Variants in TEF observed in about 807,000 individuals in gnomAD.
TEF encodes the protein TEF transcription factor, PAR bZIP family member, also known as thyrotroph embryonic factor.
TEF carries 3 observed loss-of-function variants against 20.8 expected under a neutral mutation model. The ratio of observed to expected loss-of-function variants is 0.14; its 90% CI spans 0.07 to 0.37. The LOEUF (loss-of-function observed/expected upper bound fraction) is 0.37. TEF is among the 10% of genes least tolerant of loss of function. The pLI is 1.00. For missense variants in TEF, 296 were observed against 397.9 expected (o/e 0.74, Z 2.18); for synonymous variants, 180 against 171.1 (o/e 1.05, Z -0.41).
chr22:41,387,298 G>C, intron 1 of TEF, 53 bp from the exon 2 acceptor site: 2 of 1,591,030 alleles, frequency 1.3e-6, no homozygotes, highest in Non-Finnish European at 1.7e-6. Flanking sequence ...CCCACTTCCT[G>C]GGATTGAGTT....
intron 1 of TEF, among the ~76,000 whole-genome samples, chr22:41,374,869 G>A (rs1479663946): frequency 2.0e-5 from 3 of 152,176 alleles, no homozygotes; most frequent in African/African-American, 4.8e-5. Flanking sequence ...TTCAAGGGTA[G>A]CAGAAGTTGA....
At chr22:41,389,710 G>C (rs1212729018) in intron 2 of TEF, among the ~76,000 whole-genome samples, 2 of 151,288 alleles carry the variant, frequency 1.3e-5, no homozygotes, top group African/African-American at 4.9e-5. Flanking sequence ...GCCTCAAACA[G>C]TCCTCCCACC....
At chr22:41,379,893 CAAAAAAAA>C (rs1221059649), upstream of TEF, among the ~76,000 whole-genome samples, 40 of 45,136 alleles carry the variant, frequency 8.9e-4, 3 homozygotes, top group East Asian at 0.02. Context: ...AACTCCGTCT[CAAAAAAAA>C]AAAAAAGAAA....
chr22:41,370,096 CTT>C, intron 1 of TEF: 1 of 984,772 alleles, frequency 1.0e-6, no homozygotes, highest in Non-Finnish European at 1.2e-6. Flanking sequence ...TCTCACTCCA[CTT>C]TCTTTTATTT....
rs1256486611 is a variant in TEF at position 41,396,661 on chromosome 22, G to A, written c.*701G>A. On this transcript the variant is annotated 3_prime_UTR_variant, in exon 4 of 4. Transcript: ENST00000266304. ...CGGCTGTCTCTGCATTTCATTGGCTGTGGAGGAGAGACTCCTAGGATGGCT... is the reference window on the plus strand; with the variant it reads ...CGGCTGTCTCTGCATTTCATTGGCTATGGAGGAGAGACTCCTAGGATGGCT... 1.6e-4 allele frequency: 53 copies of A among 328,950 alleles called. No individual in the cohort carries two copies. The highest frequency in any genetic ancestry group is 6.0e-5 in the Non-Finnish European group (11 of 182,304). The allele number at this position is 328,950 out of a possible 1,614,324, so 20.4% of individuals were successfully genotyped here.
rs761239048 is a variant in TEF at position 41,382,205 on chromosome 22, AG to A, written c.157+7del. 6.0e-4 allele frequency: 542 copies of A among 898,084 alleles called. 1 individual carries two copies. The highest frequency in any genetic ancestry group is 6.6e-4 in the Non-Finnish European group (519 of 791,278). 55.6% of individuals were successfully genotyped at this position (898,084 alleles called of 1,614,324 possible). A position where few individuals can be genotyped will look rare whatever the true frequency, so the allele number is the denominator to read the frequency against. On this transcript the variant is annotated splice_donor_5th_base_variant and intron_variant, in intron 1 of 3. Transcript: ENST00000266304. The stretch of plus-strand genomic sequence containing the variant: ...CCCCCGCGCGAGGCGCGCCTCGGTG[AG>A]GGCGGGGGGGTGGTCCGCGCGGGCT...
In TEF at chr22:41,373,522, T is replaced by C. The variant is rs558931353; in HGVS notation, c.67+5923T>C. Among the ~76,000 whole-genome samples the C allele has an allele frequency of 1.6e-3, 237 of 152,080 alleles. 3 individuals are homozygous for C. In the South Asian group the frequency reaches 0.017, roughly 11 times the overall value. On this transcript the variant is annotated intron_variant, in intron 1 of 3. Transcript: ENST00000406644. ...TCTCACTCTGTCGCCCAGGCTGGAG[T>C]GTGGTGGCGTGATCTAGGCTCATTG...
intron 1 of TEF, among the ~76,000 whole-genome samples, chr22:41,372,016 A>G (rs1283379822): frequency 6.6e-6 from 1 of 152,132 alleles, no homozygotes; most frequent in East Asian, 1.9e-4. Flanking sequence ...GTTTGCCTCC[A>G]TGCACAGCCT....
chr22:41,389,901 G>A (rs1203410043), intron 2 of TEF, among the ~76,000 whole-genome samples: 1 of 151,764 alleles, frequency 6.6e-6, no homozygotes, highest in Non-Finnish European at 1.5e-5. Flanking sequence ...TCATGTGCAT[G>A]TCTTTTTTTT....
intron 1 of TEF, among the ~76,000 whole-genome samples, chr22:41,372,210 G>C (rs564903423): frequency 6.6e-6 from 1 of 152,314 alleles, no homozygotes; most frequent in East Asian, 1.9e-4. Context: ...CTCAGGGCCA[G>C]TCTCTCTCTT....
chr22:41,367,516 TC>T, exon 1 of TEF: 3 of 1,550,516 alleles, frequency 1.9e-6, no homozygotes, highest in African/African-American at 1.4e-5. Context: ...TGCGACTGGT[TC>T]TCAGTGGCCC....
chr22:41,378,571 C>T (rs1481182572), upstream of TEF, among the ~76,000 whole-genome samples: 1 of 152,132 alleles, frequency 6.6e-6, no homozygotes, highest in Admixed American at 6.5e-5. Context: ...GTCTCGATCT[C>T]CTGATCTTGT....
intron 1 of TEF, among the ~76,000 whole-genome samples, chr22:41,385,316 C>T (rs552331066): frequency 2.6e-4 from 39 of 152,064 alleles, no homozygotes; most frequent in Admixed American, 2.0e-3. Flanking sequence ...GCTGAGACCG[C>T]GCCATTGCAC....
intron 2 of TEF, 58 bp downstream of exon 2, chr22:41,387,726 AC>A: frequency 6.6e-7 from 1 of 1,505,882 alleles, no homozygotes; most frequent in Middle Eastern, 1.7e-4. Context: ...TCCATTTCCC[AC>A]TGAGGGCTGC....
At chr22:41,368,859 T>A (rs1232252095) in intron 1 of TEF, among the ~76,000 whole-genome samples, 3 of 152,048 alleles carry the variant, frequency 2.0e-5, no homozygotes, top group Non-Finnish European at 4.4e-5. Context: ...GAAGCCCACC[T>A]CCTCAGCGAA....
Position 41,382,017 on chromosome 22 carries a change from G to C in TEF, c.-28G>C, listed in dbSNP as rs904318437. The C allele has an allele frequency of 1.6e-6, 2 of 1,229,402 alleles. No homozygotes were observed. The highest frequency in any genetic ancestry group is 2.0e-6 in the Non-Finnish European group (2 of 986,688). The allele number at this position is 1,229,402 out of a possible 1,614,324, so 76.2% of individuals were successfully genotyped here. On this transcript the variant is annotated 5_prime_UTR_variant, in exon 1 of 4. Coordinates refer to ENST00000266304, the MANE Select transcript of TEF (RefSeq NM_003216.4). The stretch of plus-strand genomic sequence containing the variant: ...ATCTCGGGGGGCGGGCGGGGGAGGC[G>C]AGGTGCGCGAGCCGAGTCCGGGGCA...
At chr22:41,383,231 A>G (rs2037057675) in intron 1 of TEF, among the ~76,000 whole-genome samples, 1 of 152,130 alleles carries the variant, frequency 6.6e-6, no homozygotes, top group African/African-American at 2.4e-5. Context: ...TGAGGCTCCC[A>G]TCCCTGTGGC....
At chr22:41,379,114 A>G (rs912368126), upstream of TEF, among the ~76,000 whole-genome samples, 1 of 151,852 alleles carries the variant, frequency 6.6e-6, no homozygotes, top group Non-Finnish European at 1.5e-5. Context: ...ACGCGGGTGG[A>G]TCACCTGAGG....
rs2037199338 is a variant in TEF, at chr22:41,394,129, G to C, written c.509G>C (p.Ser170Thr). 2 of 1,614,156 alleles carry C rather than the reference G, an allele frequency of 1.2e-6. No homozygotes were observed. Among genetic ancestry groups the C allele is most frequent in the Non-Finnish European group, 8.5e-7 (1 of 1,180,026 alleles). Residue 170 changes from serine to threonine, a missense_variant, in exon 3 of 4, where the codon AGT (serine) becomes ACT (threonine). Ser to Thr is a moderately conservative substitution (Grantham distance 58). Transcript: ENST00000266304. ...CTGGAGAAGGAGAGGGAGACTCCCAGTCCCATCGACCCCAATTGTGTGGAA... is the reference window on the plus strand; with the variant it reads ...CTGGAGAAGGAGAGGGAGACTCCCACTCCCATCGACCCCAATTGTGTGGAA... Reference protein sequence around the residue: ...SSLEKERETPSPIDPNCVEVD... With the variant: ...SSLEKERETPTPIDPNCVEVD...
Sources: allele counts gnomAD v4.1 joint callset (sites outside exome capture counted in the v4.1 genomes callset), GRCh38; gene constraint gnomAD v4.1.1; transcripts MANE v1.5; gene names NCBI Gene and HGNC (gene_info 2026-07-23, HGNC 2026-07-21).